Variants in FHOD3 observed in about 807,000 individuals in gnomAD.
FHOD3 encodes formin homology 2 domain containing 3, also known as FH1/FH2 domain-containing protein 3.
A neutral mutation model predicts 173.0 loss-of-function variants in FHOD3; 90 were observed. The ratio of observed to expected loss-of-function variants is 0.52; its 90% CI spans 0.44 to 0.62. The LOEUF is 0.62. Among genes scored for constraint, FHOD3 ranks in the 20% least tolerant of loss-of-function variants. The pLI, the probability that FHOD3 is intolerant of heterozygous loss-of-function variation, is 0.00. For synonymous variants in FHOD3, 828 were observed against 823.0 expected (o/e 1.01, Z -0.10); for missense variants, 1,945 against 2,034.7 (o/e 0.96, Z 0.85).
chr18:36,387,077 A>T (rs559284037), intron 3 of FHOD3, among the ~76,000 whole-genome samples: 10 of 152,106 alleles, frequency 6.6e-5, no homozygotes, highest in Admixed American at 2.6e-4. Flanking sequence ...TACCCTCCCC[A>T]CCCCAAAAAA....
intron 3 of FHOD3, among the ~76,000 whole-genome samples, chr18:36,381,257 A>G (rs529108826): frequency 7.9e-5 from 12 of 152,320 alleles, no homozygotes; most frequent in Non-Finnish European, 2.9e-5. Context: ...TCTTAGAGGA[A>G]AGTAAGTCAG....
chr18:36,508,034 A>G (rs1170209346), intron 4 of FHOD3, among the ~76,000 whole-genome samples: 1 of 152,194 alleles, frequency 6.6e-6, no homozygotes, highest in Non-Finnish European at 1.5e-5. Context: ...AATATACCCT[A>G]AGAACAAAAA....
intron 3 of FHOD3, among the ~76,000 whole-genome samples, chr18:36,407,988 T>C (rs1290678738): frequency 6.6e-6 from 1 of 152,204 alleles, no homozygotes; most frequent in Non-Finnish European, 1.5e-5. Flanking sequence ...AGATAGATGA[T>C]ATTGGAACTG....
intron 17 of FHOD3, among the ~76,000 whole-genome samples, chr18:36,701,894 C>A (rs986466425): frequency 6.6e-6 from 1 of 152,162 alleles, no homozygotes; most frequent in African/African-American, 2.4e-5. Flanking sequence ...CAGGTTCAGG[C>A]CTAAGCCATC....
At chr18:36,683,102 G>C (rs1304056612) in intron 15 of FHOD3, among the ~76,000 whole-genome samples, 1 of 152,176 alleles carries the variant, frequency 6.6e-6, no homozygotes, top group African/African-American at 2.4e-5. Context: ...ACCCTCAGCT[G>C]TCACATTTCT....
At chr18:36,518,925 G>A (rs941792541) in intron 5 of FHOD3, among the ~76,000 whole-genome samples, 15 of 152,188 alleles carry the variant, frequency 9.9e-5, no homozygotes, top group African/African-American at 3.6e-4. Context: ...GGCCTCCAGG[G>A]TGAACCAGCC....
intron 3 of FHOD3, among the ~76,000 whole-genome samples, chr18:36,436,136 A>G (rs1388069784): frequency 6.6e-6 from 1 of 152,148 alleles, no homozygotes; most frequent in Non-Finnish European, 1.5e-5. Flanking sequence ...AATGGAAGCT[A>G]ATTATAAACT....
chr18:36,561,091 A>C (rs889841540), intron 5 of FHOD3, among the ~76,000 whole-genome samples: 4 of 152,140 alleles, frequency 2.6e-5, no homozygotes, highest in Admixed American at 1.3e-4. Flanking sequence ...ATCAAATTTC[A>C]TGTTTCTAGC....
chr18:36,500,357 CTG>C (rs1164169052), intron 3 of FHOD3, among the ~76,000 whole-genome samples: 1 of 152,170 alleles, frequency 6.6e-6, no homozygotes, highest in African/African-American at 2.4e-5. Flanking sequence ...TCCTGGGCCA[CTG>C]TGAAAAACCA....
chr18:36,325,632 G>A (rs915106444), intron 1 of FHOD3, among the ~76,000 whole-genome samples: 12 of 152,188 alleles, frequency 7.9e-5, no homozygotes, highest in Non-Finnish European at 1.2e-4. Flanking sequence ...GGTGCTAGCG[G>A]TGGGCAGGGT....
intron 4 of FHOD3, among the ~76,000 whole-genome samples, chr18:36,506,245 A>T (rs1221914431): frequency 6.6e-6 from 1 of 152,254 alleles, no homozygotes; most frequent in Non-Finnish European, 1.5e-5. Context: ...TCTTAGATCA[A>T]TGAGGAATAA....
intron 17 of FHOD3, among the ~76,000 whole-genome samples, chr18:36,707,033 C>A (rs1755869028): frequency 6.6e-6 from 1 of 152,132 alleles, no homozygotes; most frequent in Non-Finnish European, 1.5e-5. Flanking sequence ...CCTTCAGTAC[C>A]AAAGGGAATG....
At chr18:36,615,698 C>T (rs1384018114) in intron 9 of FHOD3, among the ~76,000 whole-genome samples, 1 of 152,144 alleles carries the variant, frequency 6.6e-6, no homozygotes, top group Admixed American at 6.5e-5. Flanking sequence ...TTCACAATTA[C>T]AAATGCTGTT....
chr18:36,340,317 A>G (rs1364174502), intron 1 of FHOD3, among the ~76,000 whole-genome samples: 1 of 152,216 alleles, frequency 6.6e-6, no homozygotes, highest in Non-Finnish European at 1.5e-5. Flanking sequence ...TCACTTTGTT[A>G]GGCAGGATAA....
chr18:36,746,276 T>C (rs1169687753), intron 23 of FHOD3, among the ~76,000 whole-genome samples: 2 of 152,186 alleles, frequency 1.3e-5, no homozygotes, highest in African/African-American at 2.4e-5. Context: ...ACGAGCCTGG[T>C]GGGGTCTGTG....
intron 20 of FHOD3, among the ~76,000 whole-genome samples, chr18:36,737,501 G>A (rs1300647491): frequency 6.6e-6 from 1 of 152,174 alleles, no homozygotes; most frequent in Non-Finnish European, 1.5e-5. Context: ...CAGGTTGTGG[G>A]CAAGCAAGGA....
intron 1 of FHOD3, among the ~76,000 whole-genome samples, chr18:36,338,548 T>G (rs1366339529): frequency 1.3e-5 from 2 of 152,190 alleles, no homozygotes; most frequent in African/African-American, 4.8e-5. Context: ...TTCACAGCTG[T>G]GATAGATAAC....
chr18:36,325,060 G>A (rs1408805056), intron 1 of FHOD3, among the ~76,000 whole-genome samples: 1 of 152,152 alleles, frequency 6.6e-6, no homozygotes, highest in Admixed American at 6.5e-5. Flanking sequence ...TTGCAAGAAA[G>A]AATCTAGACA....
intron 20 of FHOD3, among the ~76,000 whole-genome samples, chr18:36,731,610 A>G (rs1310746061): frequency 6.6e-6 from 1 of 152,016 alleles, no homozygotes; most frequent in Admixed American, 6.5e-5. Flanking sequence ...GGGGCCCCAG[A>G]CTCCTTTAAA....
Sources: gnomAD v4.1 joint callset for allele counts (sites outside exome capture counted in the v4.1 genomes callset) on GRCh38, gnomAD v4.1.1 for gene constraint, MANE v1.5 for transcripts, NCBI Gene and HGNC (gene_info 2026-07-23, HGNC 2026-07-21) for gene names.